RORA: variants seen among roughly 807,000 people sequenced by gnomAD.
The protein encoded by RORA is RAR related orphan receptor A, also known as nuclear receptor ROR-alpha.
In RORA, 7 loss-of-function variants were observed where a neutral mutation model predicts 69.5. The ratio of observed to expected loss-of-function variants is 0.10; its 90% CI spans 0.06 to 0.19. The LOEUF is 0.19. RORA is among the 10% of genes least tolerant of loss of function. The pLI, the probability that RORA is intolerant of heterozygous loss-of-function variation, is 1.00. For missense variants in RORA, 457 were observed against 663.0 expected (o/e 0.69, Z 3.41); for synonymous variants, 261 against 240.8 (o/e 1.08, Z -0.78).
chr15:60,841,420 T>C (rs2073196637), intron 1 of RORA, among the ~76,000 whole-genome samples: 1 of 152,172 alleles, frequency 6.6e-6, no homozygotes, highest in African/African-American at 2.4e-5. Context: ...CTACTGGCAA[T>C]GGGCTCTCTC....
intron 1 of RORA, among the ~76,000 whole-genome samples, chr15:60,682,669 A>C (rs763213584): frequency 3.9e-5 from 6 of 152,208 alleles, no homozygotes; most frequent in Admixed American, 6.5e-5. Flanking sequence ...TGGCTGCATT[A>C]TCCAAGTGGG....
intron 1 of RORA, among the ~76,000 whole-genome samples, chr15:60,704,280 G>C (rs1596140570): frequency 1.3e-5 from 2 of 152,210 alleles, no homozygotes; most frequent in African/African-American, 4.8e-5. Flanking sequence ...TGAGTTGTAG[G>C]AGGGGCCACA....
chr15:60,764,402 G>T (rs1329701622), intron 1 of RORA, among the ~76,000 whole-genome samples: 2 of 152,070 alleles, frequency 1.3e-5, no homozygotes, highest in Non-Finnish European at 2.9e-5. Flanking sequence ...TGGTCTTTTA[G>T]GGTTCTCTCA....
At chr15:60,728,961 TC>T (rs2071397026) in intron 1 of RORA, among the ~76,000 whole-genome samples, 1 of 152,204 alleles carries the variant, frequency 6.6e-6, no homozygotes, top group Admixed American at 6.5e-5. Context: ...CCTTGAGTTA[TC>T]CCATCTGAAC....
intron 2 of RORA, among the ~76,000 whole-genome samples, chr15:60,570,555 G>T (rs1418082588): frequency 3.9e-5 from 6 of 152,036 alleles, no homozygotes; most frequent in African/African-American, 1.5e-4. Context: ...TCACCATGTT[G>T]CCCATGATGG....
chr15:60,824,353 GTT>G (rs926925559), intron 1 of RORA, among the ~76,000 whole-genome samples: 2 of 152,044 alleles, frequency 1.3e-5, no homozygotes, highest in African/African-American at 4.8e-5. Flanking sequence ...TGATTTGGGG[GTT>G]CAAATGAGGA....
intron 1 of RORA, among the ~76,000 whole-genome samples, chr15:61,207,053 G>C (rs193173845): frequency 9.2e-5 from 14 of 151,896 alleles, no homozygotes; most frequent in Non-Finnish European, 1.5e-4. Flanking sequence ...TATGCAGTTA[G>C]AAGAATATGT....
intron 1 of RORA, among the ~76,000 whole-genome samples, chr15:60,772,699 T>G: frequency 6.6e-6 from 1 of 152,166 alleles, no homozygotes; most frequent in East Asian, 1.9e-4. Context: ...GGAGCGTTCA[T>G]GAATGGCAAG....
chr15:60,703,347 A>G (rs1376928704), intron 1 of RORA, among the ~76,000 whole-genome samples: 1 of 152,228 alleles, frequency 6.6e-6, no homozygotes, highest in Non-Finnish European at 1.5e-5. Flanking sequence ...CCCTAAGTCC[A>G]TTGACAAATA....
chr15:61,058,925 G>A (rs2078133070), intron 1 of RORA, among the ~76,000 whole-genome samples: 1 of 152,224 alleles, frequency 6.6e-6, no homozygotes, highest in African/African-American at 2.4e-5. Context: ...AGGAAGATGA[G>A]GTAGTCATCT....
chr15:60,575,546 A>C (rs2068001118), intron 2 of RORA, among the ~76,000 whole-genome samples: 1 of 152,212 alleles, frequency 6.6e-6, no homozygotes, highest in African/African-American at 2.4e-5. Flanking sequence ...TTACAAAAAA[A>C]AAATTACTGG....
rs533623035 is a variant in RORA, at chr15:60,742,287, GATATGTAA to G, written c.167-63609_167-63602del. Among the ~76,000 whole-genome samples, 638 of 152,304 alleles carry G rather than the reference GATATGTAA, an allele frequency of 4.2e-3. 2 individuals are homozygous for G. The highest frequency in any genetic ancestry group is 6.0e-3 in the Non-Finnish European group (405 of 68,036). ...TGTTATATGCTCACTTAAACAGGTA[GATATGTAA>G]GTGCAGAAATCTATTCAGAAGAATG... On this transcript the variant is annotated intron_variant, in intron 1 of 10. Coordinates refer to ENST00000335670, the MANE Select transcript of RORA (RefSeq NM_134261.3).
rs564789978 is a variant in RORA at position 61,162,921 on chromosome 15, T to G, written c.166+66132A>C. Among the ~76,000 whole-genome samples, 3 of 152,320 alleles carry G rather than the reference T, an allele frequency of 2.0e-5. No individual in the cohort carries two copies. In the South Asian group the frequency reaches 6.2e-4, roughly 32 times the overall value. The stretch of plus-strand genomic sequence containing the variant: ...CAGAATTGTTGTATGCTACATTTAA[T>G]AGGGTCAGAGCAGGTCTTGCCACCT... On this transcript the variant is annotated intron_variant, in intron 1 of 10. Transcript: ENST00000335670.
chr15:60,669,052 G>T (rs904909060), intron 2 of RORA, among the ~76,000 whole-genome samples: 1 of 152,162 alleles, frequency 6.6e-6, no homozygotes, highest in Non-Finnish European at 1.5e-5. Context: ...AGTTTAAAAG[G>T]GTTGGAAAGA....
intron 1 of RORA, among the ~76,000 whole-genome samples, chr15:61,064,590 T>C (rs903183830): frequency 6.6e-6 from 1 of 152,182 alleles, no homozygotes; most frequent in Admixed American, 6.5e-5. Flanking sequence ...CCCAGGGATG[T>C]GCTCTTTTTA....
At chr15:60,599,636 A>G (rs1377084580) in intron 2 of RORA, among the ~76,000 whole-genome samples, 2 of 152,204 alleles carry the variant, frequency 1.3e-5, no homozygotes, top group Non-Finnish European at 2.9e-5. Flanking sequence ...AATAACGAGC[A>G]TTTACCAGAG....
intron 1 of RORA, among the ~76,000 whole-genome samples, chr15:60,843,156 A>T (rs927793917): frequency 6.6e-6 from 1 of 152,224 alleles, no homozygotes; most frequent in African/African-American, 2.4e-5. Flanking sequence ...AAGAAGGAAC[A>T]ACCTCGCTGG....
intron 1 of RORA, among the ~76,000 whole-genome samples, chr15:60,894,861 T>C (rs1397370630): frequency 2.0e-5 from 3 of 151,978 alleles, no homozygotes; most frequent in African/African-American, 7.3e-5. Flanking sequence ...AACTTAAACA[T>C]CCCTGCACAG....
At chr15:60,576,431 A>G (rs1355459964) in intron 2 of RORA, among the ~76,000 whole-genome samples, 1 of 152,238 alleles carries the variant, frequency 6.6e-6, no homozygotes, top group African/African-American at 2.4e-5. Context: ...CTATTTGATA[A>G]TAACAAAGAG....
Sources: allele counts gnomAD v4.1 joint callset (sites outside exome capture counted in the v4.1 genomes callset), GRCh38; gene constraint gnomAD v4.1.1; transcripts MANE v1.5; gene names NCBI Gene and HGNC (gene_info 2026-07-23, HGNC 2026-07-21).